The following CACNA1B variants were observed in gnomAD, a reference collection of about 807,000 sequenced individuals.
The protein encoded by CACNA1B is calcium voltage-gated channel subunit alpha1 B.
In CACNA1B, 70 loss-of-function variants were observed where a neutral mutation model predicts 247.2. The observed-to-expected ratio is 0.28, with a 90% CI of 0.23 to 0.35. The LOEUF (loss-of-function observed/expected upper bound fraction) is 0.35. Ranked by LOEUF, CACNA1B falls within the 10% of genes least tolerant of loss-of-function variation. The pLI is 1.00. For synonymous variants in CACNA1B, 1,231 were observed against 1,294.4 expected (o/e 0.95, Z 1.05); for missense variants, 2,367 against 3,197.4 (o/e 0.74, Z 6.26).
chr9:137,899,844 G>A lies in CACNA1B; in HGVS notation c.531-13336G>A, dbSNP rs11137297. Among the ~76,000 whole-genome samples, 21,758 of 152,112 alleles carry A rather than the reference G, an allele frequency of 0.14. 1,799 individuals are homozygous for A. The highest frequency in any genetic ancestry group is 0.38 in the East Asian group (1,985 of 5,160). ...CACCTGCCCCGGCCCAGGGACCCCC[G>A]CACCTGTGCAGGATTTGTGGTCTCC... On this transcript the variant is annotated intron_variant, in intron 3 of 46. Transcript: ENST00000371372. The surrounding 1 kb of genome is among the most constrained non-coding windows in gnomAD (Gnocchi z 5.0).
At chr9:138,090,627 A>C (rs1403358923) in intron 36 of CACNA1B, among the ~76,000 whole-genome samples, 1 of 149,638 alleles carries the variant, frequency 6.7e-6, no homozygotes, top group Non-Finnish European at 1.5e-5. Context: ...GCAGAATCAG[A>C]GAAAATATTG....
In CACNA1B at chr9:138,072,634, C is replaced by G. The variant is rs1960171991; in HGVS notation, c.4675-854C>G. On this transcript the variant is annotated intron_variant, in intron 32 of 46. Transcript: ENST00000371372. The surrounding 1 kb of genome is among the most constrained non-coding windows in gnomAD (Gnocchi z 4.5). ...GAGGGCAGAAAGCCTCCTGGGTCCA[C>G]AAGCACCCCCATCTGTGCACGGACA... 6.6e-6 allele frequency among the ~76,000 whole-genome samples: 1 copy of G among 152,218 alleles called. No individual in the cohort carries two copies. The highest frequency in any genetic ancestry group is 1.5e-5 in the Non-Finnish European group (1 of 68,042).
At position 137,913,299 on chromosome 9, in the gene CACNA1B, C is replaced by T. The variant is rs563521477; in HGVS notation, c.622+28C>T. 38 of 1,561,326 alleles carry T rather than the reference C, an allele frequency of 2.4e-5. No individual in the cohort carries two copies. The highest frequency in any genetic ancestry group is 1.8e-4 in the South Asian group (16 of 89,768). ...GAGTCCAGCGAAGACAGGCCCAAGC[C>T]GGCTTGGAGTAACAACCTCCTCTCC... is the stretch of plus-strand genomic sequence containing the variant. On this transcript the variant is annotated intron_variant, in intron 4 of 46. Coordinates refer to ENST00000371372, the MANE Select transcript of CACNA1B (RefSeq NM_000718.4). The surrounding 1 kb of genome is among the most constrained non-coding windows in gnomAD (Gnocchi z 5.2).
intron 6 of CACNA1B, among the ~76,000 whole-genome samples, chr9:137,940,520 A>C (rs568585173): frequency 2.9e-4 from 44 of 152,314 alleles, no homozygotes; most frequent in African/African-American, 1.1e-3. Flanking sequence ...TCCTATCGAC[A>C]CTATTCCATG....
chr9:137,941,783 G>A (rs1284454504), intron 6 of CACNA1B, among the ~76,000 whole-genome samples: 1 of 152,176 alleles, frequency 6.6e-6, no homozygotes, highest in Non-Finnish European at 1.5e-5. Context: ...GCCACATGTA[G>A]GAGAATGAAA....
At chr9:138,099,085 C>A (rs1465629293) in intron 37 of CACNA1B, among the ~76,000 whole-genome samples, 2 of 152,236 alleles carry the variant, frequency 1.3e-5, no homozygotes, top group African/African-American at 4.8e-5. Flanking sequence ...GAAACAACAA[C>A]AAAATTTTAT....
chr9:137,999,598 G>A (rs572854742), intron 15 of CACNA1B, among the ~76,000 whole-genome samples: 14 of 151,950 alleles, frequency 9.2e-5, no homozygotes, highest in East Asian at 7.7e-4. Flanking sequence ...CTGCAGCCTC[G>A]AACTGGGTTC....
intron 10 of CACNA1B, among the ~76,000 whole-genome samples, chr9:137,969,903 G>A (rs1226495580): frequency 6.6e-6 from 1 of 152,140 alleles, no homozygotes. Flanking sequence ...TGTGGGGAGT[G>A]GTCATCCCTG....
intron 21 of CACNA1B, among the ~76,000 whole-genome samples, chr9:138,045,176 C>T (rs1467612175): frequency 6.6e-6 from 1 of 152,202 alleles, no homozygotes; most frequent in African/African-American, 2.4e-5. Flanking sequence ...TGGCACACAG[C>T]CAAGGACAGA....
intron 1 of CACNA1B, 106 bp from the exon 2 acceptor site, chr9:137,878,948 C>T: frequency 1.5e-6 from 1 of 678,722 alleles, no homozygotes; most frequent in Non-Finnish European, 2.6e-6. Flanking sequence ...GTTGTCTCAG[C>T]CCCTCCGGAG....
rs1210771430 is a variant in CACNA1B at position 137,881,956 on chromosome 9, G to A, written c.391-788G>A. 2.6e-5 allele frequency among the ~76,000 whole-genome samples: 4 copies of A among 152,068 alleles called. No individual in the cohort carries two copies. The highest frequency in any genetic ancestry group is 5.9e-5 in the Non-Finnish European group (4 of 68,000). Reference sequence around the variant, plus strand: ...TGGAAGCCTTGCCTGCAGGCGCCACGCCCTCTGGGAGGCTCCCTGCGGTCT... The same window carrying A: ...TGGAAGCCTTGCCTGCAGGCGCCACACCCTCTGGGAGGCTCCCTGCGGTCT... On this transcript the variant is annotated intron_variant, in intron 2 of 46. Transcript: ENST00000371372. The surrounding 1 kb of genome is among the most constrained non-coding windows in gnomAD (Gnocchi z 4.3).
At position 138,058,088 on chromosome 9, in the gene CACNA1B, G is replaced by C; in HGVS notation, c.4146G>C (p.Gln1382His). ...KHSVDATYEE[Q>H]GPSPGYRMEL... ...CCGTGGATGCCACCTATGAGGAGCA[G>C]GGTCCAAGCCCTGGGTACCGCATGG... The change falls in exon 28 of 47, where the codon CAG (glutamine) becomes CAC (histidine). Residue 1382 changes from glutamine to histidine, a missense_variant. Physicochemically the swap from Gln to His is conservative, Grantham distance 24 (BLOSUM62 0). This residue lies in a region of CACNA1B where 436 missense variants were observed against 679.5 expected (regional missense o/e 0.64). Coordinates refer to ENST00000371372, the MANE Select transcript of CACNA1B (RefSeq NM_000718.4). This position sits in a 1 kb window ranked among gnomAD's most constrained non-coding sequence, Gnocchi z 4.7. 6.2e-7 allele frequency: 1 copy of C among 1,614,004 alleles called. No individual in the cohort carries two copies. The highest frequency in any genetic ancestry group is 8.5e-7 in the Non-Finnish European group (1 of 1,179,832).
At chr9:138,033,831 T>G (rs1400384267) in intron 20 of CACNA1B, among the ~76,000 whole-genome samples, 1 of 152,118 alleles carries the variant, frequency 6.6e-6, no homozygotes, top group Non-Finnish European at 1.5e-5. Context: ...ATGATCCAAT[T>G]ACCTCCATCT....
At position 138,099,618 on chromosome 9, in the gene CACNA1B, CGTGCCTGTGGTGTGCAT is replaced by C. The variant is rs1332251670; in HGVS notation, c.5222+3037_5223-3047del. 1.7e-3 allele frequency among the ~76,000 whole-genome samples: 250 copies of C among 146,676 alleles called. 5 individuals carry two copies. In the South Asian group the frequency reaches 0.039, roughly 23 times the overall value. ...GGTGTGCACGTGCCTGTGGTGTACT[CGTGCCTGTGGTGTGCAT>C]GTGCCTGTGGTGTGCATGTGCCTGT... is the stretch of plus-strand genomic sequence containing the variant. On this transcript the variant is annotated intron_variant, in intron 37 of 46. Coordinates refer to ENST00000371372, the MANE Select transcript of CACNA1B (RefSeq NM_000718.4).
rs750696457 is a variant in CACNA1B, at chr9:137,986,098, G to A, written c.1770-315G>A. On this transcript the variant is annotated intron_variant, in intron 13 of 46. Transcript: ENST00000371372. The surrounding 1 kb of genome is among the most constrained non-coding windows in gnomAD (Gnocchi z 6.0). ...GAGGAGTGAGGGGCAGGGAGGGGCC[G>A]AGGATGAAGTTTGGGATTGGGCCTG... 1.3e-5 allele frequency among the ~76,000 whole-genome samples: 2 copies of A among 152,188 alleles called. No homozygotes were observed. The highest frequency in any genetic ancestry group is 2.4e-5 in the African/African-American group (1 of 41,436).
At position 137,882,952 on chromosome 9, in the gene CACNA1B, G is replaced by A. The variant is rs556221747; in HGVS notation, c.530+69G>A. ...CGTGTGCTCTCTGAAGCTCAGTTGCGCCGTGGAGCTGGGGCAGCTGCAGTC... is the reference window on the plus strand; with the variant it reads ...CGTGTGCTCTCTGAAGCTCAGTTGCACCGTGGAGCTGGGGCAGCTGCAGTC... On this transcript the variant is annotated intron_variant, in intron 3 of 46. Coordinates refer to ENST00000371372, the MANE Select transcript of CACNA1B (RefSeq NM_000718.4). The surrounding 1 kb of genome is among the most constrained non-coding windows in gnomAD (Gnocchi z 4.0). 47 of 1,515,972 alleles carry A rather than the reference G, an allele frequency of 3.1e-5. No individual in the cohort carries two copies. In the South Asian group the frequency reaches 3.3e-4, roughly 11 times the overall value. 93.9% of individuals were successfully genotyped at this position (1,515,972 alleles called of 1,614,324 possible).
At position 138,118,747 on chromosome 9, in the gene CACNA1B, C is replaced by T. The variant is rs199875624; in HGVS notation, c.6009C>T (p.Pro2003=). The T allele has an allele frequency of 2.0e-6, 3 of 1,527,632 alleles. No homozygotes were observed. Among genetic ancestry groups the T allele is most frequent in the Non-Finnish European group, 2.7e-6 (3 of 1,129,982 alleles). The allele number at this position is 1,527,632 out of a possible 1,614,324, so 94.6% of individuals were successfully genotyped here. The part of the protein sequence containing the change: ...LESQGRAASM[P]RLAAETQPVT... Reference sequence around the variant, plus strand: ...GCCAGGGTCGAGCGGCCTCCATGCCCCGCCTTGCGGCCGAGACTCAGGTAG... The same window carrying T: ...GCCAGGGTCGAGCGGCCTCCATGCCTCGCCTTGCGGCCGAGACTCAGGTAG... The change falls in exon 44 of 47, where the codon CCC becomes CCT. Residue 2003 remains proline, a synonymous_variant. Coordinates refer to ENST00000371372, the MANE Select transcript of CACNA1B (RefSeq NM_000718.4).
At position 137,957,092 on chromosome 9, in the gene CACNA1B, A is replaced by C. The variant is rs541441866; in HGVS notation, c.1243+265A>C. Among the ~76,000 whole-genome samples, 169 of 152,198 alleles carry C rather than the reference A, an allele frequency of 1.1e-3. No homozygotes were observed. Among genetic ancestry groups the C allele is most frequent in the Admixed American group, 1.9e-3 (29 of 15,288 alleles). The stretch of plus-strand genomic sequence containing the variant: ...CAGAGACCATGGGAGGGCTCATGGC[A>C]CAACCTGGGGCCATGAGAGGGAGCC... On this transcript the variant is annotated intron_variant, in intron 9 of 46. Transcript: ENST00000371372. This position sits in a 1 kb window ranked among gnomAD's most constrained non-coding sequence, Gnocchi z 4.7.
Position 137,978,266 on chromosome 9 carries a change from C to G in CACNA1B, c.1656+2247C>G, listed in dbSNP as rs1487630379. Among the ~76,000 whole-genome samples the G allele has an allele frequency of 9.8e-5, 14 of 142,344 alleles. No homozygotes were observed. The South Asian group carries it at 1.9e-3, about 19-fold the overall frequency. The allele number at this position is 142,344 out of a possible 152,430, so 93.4% of individuals were successfully genotyped here. A position where few individuals can be genotyped will look rare whatever the true frequency, so the allele number is the denominator to read the frequency against. On this transcript the variant is annotated intron_variant, in intron 12 of 46. Coordinates refer to ENST00000371372, the MANE Select transcript of CACNA1B (RefSeq NM_000718.4). ...GAAGGGTGGGAGCACTACCCTCCCCCCCAGGAAGGAGTGACAGGTGGGAGC... is the reference window on the plus strand; with the variant it reads ...GAAGGGTGGGAGCACTACCCTCCCCGCCAGGAAGGAGTGACAGGTGGGAGC...
Sources: allele counts gnomAD v4.1 joint callset (sites outside exome capture counted in the v4.1 genomes callset), GRCh38; gene constraint gnomAD v4.1.1; regional missense constraint gnomAD v4.1.1; non-coding constraint Gnocchi (gnomAD v3.1); transcripts MANE v1.5; gene names NCBI Gene and HGNC (gene_info 2026-07-23, HGNC 2026-07-21).